Variants in DSCAML1 observed in about 807,000 individuals in gnomAD.
The protein encoded by DSCAML1 is DS cell adhesion molecule like 1, also known as cell adhesion molecule DSCAML1.
In DSCAML1, 38 loss-of-function variants were observed where a neutral mutation model predicts 200.5. The observed-to-expected ratio is 0.19, with a 90% CI of 0.15 to 0.25. The LOEUF (loss-of-function observed/expected upper bound fraction) is 0.25. DSCAML1 is among the 10% of genes least tolerant of loss of function. The pLI is 1.00. For synonymous variants in DSCAML1, 1,215 were observed against 1,165.0 expected (o/e 1.04, Z -0.87); for missense variants, 2,223 against 2,858.8 (o/e 0.78, Z 5.07).
At chr11:117,454,748 A>G (rs1398407382) in intron 19 of DSCAML1, among the ~76,000 whole-genome samples, 2 of 152,248 alleles carry the variant, frequency 1.3e-5, no homozygotes, top group African/African-American at 4.8e-5. Context: ...GAGAGGATTC[A>G]TGTTTGCTTC....
intron 26 of DSCAML1, 38 bp from the exon 27 acceptor site, chr11:117,435,837 T>A: frequency 6.3e-7 from 1 of 1,582,968 alleles, no homozygotes; most frequent in East Asian, 2.3e-5. Flanking sequence ...ATGTCCCTTA[T>A]GAGCCAGGTG....
chr11:117,525,680 G>A (rs1203410139), intron 4 of DSCAML1, among the ~76,000 whole-genome samples: 1 of 152,146 alleles, frequency 6.6e-6, no homozygotes, highest in African/African-American at 2.4e-5. Flanking sequence ...GGCTGGTCTC[G>A]AACTCCTGAC....
chr11:117,796,911 G>A, intron 1 of DSCAML1, 123 bp downstream of exon 1: 2 of 620,624 alleles, frequency 3.2e-6, no homozygotes, highest in Non-Finnish European at 2.3e-6. Context: ...CGCCCCACCC[G>A]GGGCCTTGCA....
intron 14 of DSCAML1, among the ~76,000 whole-genome samples, chr11:117,476,412 C>T (rs1166833828): frequency 3.9e-5 from 6 of 152,178 alleles, no homozygotes; most frequent in African/African-American, 1.2e-4. Context: ...CTTCACAGCA[C>T]GGAGAAGAGG....
chr11:117,632,979 C>T (rs977339949), intron 3 of DSCAML1, among the ~76,000 whole-genome samples: 1 of 152,218 alleles, frequency 6.6e-6, no homozygotes, highest in Non-Finnish European at 1.5e-5. Flanking sequence ...GAGTTCCCAA[C>T]CATTAGGTCA....
At chr11:117,714,262 G>A (rs890711297) in intron 3 of DSCAML1, among the ~76,000 whole-genome samples, 8 of 152,090 alleles carry the variant, frequency 5.3e-5, no homozygotes, top group Admixed American at 2.0e-4. Flanking sequence ...AGTATTTCTT[G>A]GGGAACTTTT....
intron 16 of DSCAML1, among the ~76,000 whole-genome samples, chr11:117,466,365 T>A (rs2048579855): frequency 6.6e-6 from 1 of 152,216 alleles, no homozygotes; most frequent in Non-Finnish European, 1.5e-5. Flanking sequence ...AAGCTATTTG[T>A]CCGATTCCAC....
At chr11:117,466,265 T>C (rs944321876) in intron 16 of DSCAML1, among the ~76,000 whole-genome samples, 7 of 152,108 alleles carry the variant, frequency 4.6e-5, no homozygotes, top group Non-Finnish European at 1.0e-4. Context: ...TATGCAGCCA[T>C]GAAAGGGAGA....
At chr11:117,750,522 C>T (rs552192983) in intron 3 of DSCAML1, among the ~76,000 whole-genome samples, 4 of 152,302 alleles carry the variant, frequency 2.6e-5, no homozygotes, top group South Asian at 2.1e-4. Flanking sequence ...ACCCAGTGAA[C>T]GTGGATGAAA....
intron 1 of DSCAML1, among the ~76,000 whole-genome samples, chr11:117,813,924 C>T (rs1033674020): frequency 3.7e-4 from 56 of 152,218 alleles, no homozygotes; most frequent in African/African-American, 1.3e-3. Context: ...CAAGCCAAGC[C>T]ATCGCATCCC....
intron 3 of DSCAML1, among the ~76,000 whole-genome samples, chr11:117,636,286 T>C (rs572939050): frequency 2.6e-5 from 4 of 152,220 alleles, no homozygotes; most frequent in Non-Finnish European, 4.4e-5. Context: ...ATTTCAAGCA[T>C]TCCTTTTTAA....
At chr11:117,598,770 G>T (rs950616510) in intron 3 of DSCAML1, among the ~76,000 whole-genome samples, 1 of 152,170 alleles carries the variant, frequency 6.6e-6, no homozygotes, top group Non-Finnish European at 1.5e-5. Context: ...ACTTTCCTGG[G>T]CACAAAGCGA....
intron 16 of DSCAML1, among the ~76,000 whole-genome samples, chr11:117,468,210 T>C (rs1365569583): frequency 6.6e-6 from 1 of 152,114 alleles, no homozygotes; most frequent in East Asian, 1.9e-4. Context: ...ATTTATGTCA[T>C]AAAGCAGGGG....
chr11:117,458,624 G>T, intron 19 of DSCAML1, 130 bp downstream of exon 19: 1 of 1,215,346 alleles, frequency 8.2e-7, no homozygotes, highest in Non-Finnish European at 1.1e-6. Flanking sequence ...AGTCCTCAAG[G>T]CTACTCTCCC....
chr11:117,530,921 A>G (rs886599806), intron 4 of DSCAML1, among the ~76,000 whole-genome samples: 1 of 152,196 alleles, frequency 6.6e-6, no homozygotes, highest in Non-Finnish European at 1.5e-5. Flanking sequence ...ATCTCAAGAC[A>G]GAGATTTTCA....
At chr11:117,713,952 G>A (rs972622975) in intron 3 of DSCAML1, among the ~76,000 whole-genome samples, 1 of 152,174 alleles carries the variant, frequency 6.6e-6, no homozygotes, top group African/African-American at 2.4e-5. Context: ...TAGCACCATG[G>A]TTAGAGCACT....
intron 3 of DSCAML1, among the ~76,000 whole-genome samples, chr11:117,620,074 C>A (rs1190114482): frequency 6.6e-6 from 1 of 152,126 alleles, no homozygotes; most frequent in Non-Finnish European, 1.5e-5. Flanking sequence ...ACACTGGAGA[C>A]AATAAACATT....
chr11:117,495,908 T>C (rs1252404419), intron 11 of DSCAML1, among the ~76,000 whole-genome samples: 1 of 152,232 alleles, frequency 6.6e-6, no homozygotes, highest in African/African-American at 2.4e-5. Context: ...TAGTGCATCA[T>C]GTCCAGACTT....
rs201187714 is a variant in DSCAML1 at position 117,461,779 on chromosome 11, GT to G, written c.3266-184del. ...GCAGGGAGGCTGGGAAGTGAACCGAGTTTCCTTTCCTGGAGATTGGGGCAGA... is the reference window on the plus strand; with the variant it reads ...GCAGGGAGGCTGGGAAGTGAACCGAGTTCCTTTCCTGGAGATTGGGGCAGA... On this transcript the variant is annotated intron_variant, in intron 17 of 32. Coordinates refer to ENST00000651296, the MANE Select transcript of DSCAML1 (RefSeq NM_020693.4). Among the ~76,000 whole-genome samples the G allele has an allele frequency of 6.1e-3, 928 of 152,330 alleles. 7 individuals carry two copies. Among genetic ancestry groups the G allele is most frequent in the African/African-American group, 0.022 (899 of 41,560 alleles).
Sources: allele counts gnomAD v4.1 joint callset (sites outside exome capture counted in the v4.1 genomes callset), GRCh38; gene constraint gnomAD v4.1.1; transcripts MANE v1.5; gene names NCBI Gene and HGNC (gene_info 2026-07-23, HGNC 2026-07-21).